The following SEPTIN10 variants were observed in gnomAD, a reference collection of about 807,000 sequenced individuals.
SEPTIN10 encodes the protein septin-10.
SEPTIN10 carries 66 observed loss-of-function variants against 54.8 expected under a neutral mutation model. The ratio of observed to expected loss-of-function variants is 1.21; its 90% CI spans 0.99 to 1.48. The LOEUF (loss-of-function observed/expected upper bound fraction) is 1.48, where lower values mean the gene tolerates loss of function less well. Ranked by LOEUF, SEPTIN10 falls within the 40% of genes most tolerant of loss-of-function variation. The pLI, the probability that SEPTIN10 is intolerant of heterozygous loss-of-function variation, is 0.00. For missense variants in SEPTIN10, 620 were observed against 545.6 expected, an observed-to-expected ratio of 1.14 and a Z score of -1.36; for synonymous variants, 161 against 181.0, an observed-to-expected ratio of 0.89 and a Z score of 0.89.
At chr2:109,546,936 A>C (rs985844601) in intron 9 of SEPTIN10, among the ~76,000 whole-genome samples, 22 of 152,216 alleles carry the variant, frequency 1.4e-4, no homozygotes, top group Non-Finnish European at 2.6e-4. Flanking sequence ...GGAGAGCAGA[A>C]TGTGCAGGAC....
At chr2:109,593,252 C>A in intron 1 of SEPTIN10, 133 bp from the exon 2 acceptor site, 1 of 501,650 alleles carries the variant, frequency 2.0e-6, no homozygotes, top group Non-Finnish European at 3.5e-6. Flanking sequence ...GTGTAGTCTA[C>A]ATTATTGAAT....
At chr2:109,611,236 GA>G (rs936191389) in intron 1 of SEPTIN10, among the ~76,000 whole-genome samples, 14 of 151,926 alleles carry the variant, frequency 9.2e-5, no homozygotes, top group African/African-American at 3.4e-4. Context: ...AAACTTTTAG[GA>G]AAAAAATAAG....
At chr2:109,569,809 C>A (rs1243688306) in intron 5 of SEPTIN10, among the ~76,000 whole-genome samples, 1 of 151,968 alleles carries the variant, frequency 6.6e-6, no homozygotes, top group African/African-American at 2.4e-5. Context: ...GGGAAAGTAA[C>A]AGATATTGCC....
At chr2:109,562,385 C>T (rs921481858) in intron 8 of SEPTIN10, among the ~76,000 whole-genome samples, 4 of 151,592 alleles carry the variant, frequency 2.6e-5, no homozygotes, top group Non-Finnish European at 4.4e-5. Flanking sequence ...CCTCCCCCAA[C>T]TCTCTTCTTC....
At chr2:109,609,662 T>G (rs1456619139) in intron 1 of SEPTIN10, among the ~76,000 whole-genome samples, 1 of 150,178 alleles carries the variant, frequency 6.7e-6, no homozygotes, top group Non-Finnish European at 1.5e-5. Context: ...GAATCACAAC[T>G]TCAAGACAGA....
At chr2:109,555,956 G>A (rs1684274313) in intron 8 of SEPTIN10, among the ~76,000 whole-genome samples, 1 of 152,090 alleles carries the variant, frequency 6.6e-6, no homozygotes. Flanking sequence ...CACTGCCATG[G>A]CATTTATATC....
chr2:109,575,719 C>A (rs1234506674), intron 4 of SEPTIN10, among the ~76,000 whole-genome samples: 1 of 152,218 alleles, frequency 6.6e-6, no homozygotes, highest in Non-Finnish European at 1.5e-5. Flanking sequence ...AAACAGTTCC[C>A]ATGTCAAATT....
intron 10 of SEPTIN10, 124 bp downstream of exon 10, chr2:109,545,926 G>A: frequency 6.9e-7 from 1 of 1,452,182 alleles, no homozygotes; most frequent in East Asian, 2.3e-5. Flanking sequence ...TCCAGGAGCT[G>A]ACATTTAGTT....
At chr2:109,596,602 G>A (rs996791733) in intron 1 of SEPTIN10, among the ~76,000 whole-genome samples, 21 of 150,666 alleles carry the variant, frequency 1.4e-4, no homozygotes, top group South Asian at 2.1e-4. Flanking sequence ...GGCAGACAGC[G>A]AGACTCCATC....
At chr2:109,590,731 G>T (rs1426276564) in intron 2 of SEPTIN10, among the ~76,000 whole-genome samples, 1 of 152,074 alleles carries the variant, frequency 6.6e-6, no homozygotes, top group African/African-American at 2.4e-5. Flanking sequence ...GCCCAGCCAT[G>T]AGGTAAATCC....
chr2:109,595,761 A>T (rs968676869), intron 1 of SEPTIN10, among the ~76,000 whole-genome samples: 2 of 152,252 alleles, frequency 1.3e-5, no homozygotes, highest in African/African-American at 4.8e-5. Context: ...CCTGAGTGGC[A>T]GACTGAGTAA....
chr2:109,608,922 A>G (rs1698606505), intron 1 of SEPTIN10, among the ~76,000 whole-genome samples: 1 of 152,266 alleles, frequency 6.6e-6, no homozygotes, highest in Admixed American at 6.5e-5. Context: ...AAGCAGAGAT[A>G]AATCACATTA....
chr2:109,544,279 G>T lies in SEPTIN10; in HGVS notation c.*30C>A. ...TTTTTTAATAAAGTTTGCTTGTGAT[G>T]ATGACCTTCTGTGCTCTGGAACTTC... On this transcript the variant is annotated 3_prime_UTR_variant, in exon 11 of 11. Transcript: ENST00000397712. 6.2e-7 allele frequency: 1 copy of T among 1,612,622 alleles called. No individual in the cohort carries two copies.
At position 109,570,920 on chromosome 2, in the gene SEPTIN10, C is replaced by T. The variant is rs190153437; in HGVS notation, c.601-2944G>A. On this transcript the variant is annotated intron_variant, in intron 5 of 10. Coordinates refer to ENST00000397712, the MANE Select transcript of SEPTIN10 (RefSeq NM_144710.5). ...GTCATGTGTGGCTTAACCATGGCGA[C>T]ATGGTTTGGATTTGTGTCTTCACCC... 1.4e-3 allele frequency among the ~76,000 whole-genome samples: 208 copies of T among 152,280 alleles called. 2 individuals carry two copies. The highest frequency in any genetic ancestry group is 3.4e-3 in the Middle Eastern group (1 of 294).
At chr2:109,555,495 G>A (rs1684150755) in intron 8 of SEPTIN10, among the ~76,000 whole-genome samples, 1 of 152,118 alleles carries the variant, frequency 6.6e-6, no homozygotes, top group Non-Finnish European at 1.5e-5. Context: ...AAAAGAATGA[G>A]GGTCATGATC....
chr2:109,580,966 T>C (rs1690970195), intron 4 of SEPTIN10, among the ~76,000 whole-genome samples: 1 of 152,130 alleles, frequency 6.6e-6, no homozygotes, highest in African/African-American at 2.4e-5. Context: ...AGAAGAAAGC[T>C]GCACAGGCAG....
intron 5 of SEPTIN10, among the ~76,000 whole-genome samples, chr2:109,569,550 C>T (rs1407381812): frequency 6.6e-6 from 1 of 151,850 alleles, no homozygotes. Context: ...CTTCCATATG[C>T]TCCCAAGGAG....
intron 4 of SEPTIN10, among the ~76,000 whole-genome samples, chr2:109,583,036 A>G (rs1364291696): frequency 6.6e-6 from 1 of 152,242 alleles, no homozygotes; most frequent in African/African-American, 2.4e-5. Flanking sequence ...CTCAAGATGG[A>G]TTAAAGACTG....
intron 8 of SEPTIN10, among the ~76,000 whole-genome samples, chr2:109,560,269 C>T (rs1685361341): frequency 1.3e-5 from 2 of 152,170 alleles, no homozygotes; most frequent in South Asian, 2.1e-4. Flanking sequence ...CATTATTCTC[C>T]AAGAATTGTC....
Sources: gnomAD v4.1 joint callset for allele counts (sites outside exome capture counted in the v4.1 genomes callset) on GRCh38, gnomAD v4.1.1 for gene constraint, MANE v1.5 for transcripts, NCBI Gene and HGNC (gene_info 2026-07-23, HGNC 2026-07-21) for gene names.